EML6: variants seen among roughly 807,000 people sequenced by gnomAD.
The protein encoded by EML6 is echinoderm microtubule-associated protein-like 6.
EML6 carries 154 observed loss-of-function variants against 240.1 expected under a neutral mutation model. That is an observed-to-expected ratio of 0.64 (90% CI 0.56 to 0.73). The LOEUF (loss-of-function observed/expected upper bound fraction) is 0.73. Ranked by LOEUF, EML6 falls within the 30% of genes least tolerant of loss-of-function variation. The pLI is 0.00. For missense variants in EML6, 2,964 were observed against 2,474.6 expected (o/e 1.20, Z -4.20); for synonymous variants, 1,148 against 899.0 (o/e 1.28, Z -4.95).
chr2:54,759,835 A>G (rs920110852), intron 2 of EML6, among the ~76,000 whole-genome samples: 1 of 151,546 alleles, frequency 6.6e-6, no homozygotes, highest in African/African-American at 2.4e-5. Flanking sequence ...ACAAAATTAG[A>G]TGTAATTAAT....
At chr2:54,751,544 AG>A (rs1684164626) in intron 2 of EML6, among the ~76,000 whole-genome samples, 2 of 152,214 alleles carry the variant, frequency 1.3e-5, no homozygotes, top group Admixed American at 6.5e-5. Context: ...AGCTTACAAA[AG>A]GAAGGACAAA....
intron 32 of EML6, among the ~76,000 whole-genome samples, chr2:54,954,464 C>T (rs959408640): frequency 6.6e-6 from 1 of 152,206 alleles, no homozygotes; most frequent in African/African-American, 2.4e-5. Flanking sequence ...CGACATCTGT[C>T]TTAGCCACCT....
chr2:54,960,142 A>C, intron 34 of EML6, 78 bp from the exon 35 acceptor site: 1 of 1,056,176 alleles, frequency 9.5e-7, no homozygotes, highest in Non-Finnish European at 1.4e-6. Context: ...ATGACTGGGA[A>C]AGAGGGGAGA....
intron 2 of EML6, among the ~76,000 whole-genome samples, chr2:54,787,735 T>C (rs1422178376): frequency 6.6e-6 from 1 of 152,210 alleles, no homozygotes; most frequent in Non-Finnish European, 1.5e-5. Flanking sequence ...TTCCTTAAGA[T>C]CTCAAATCAG....
At chr2:54,745,743 C>A (rs1376921240) in intron 2 of EML6, among the ~76,000 whole-genome samples, 6 of 152,066 alleles carry the variant, frequency 3.9e-5, no homozygotes, top group Admixed American at 6.6e-5. Context: ...TTCACTCCAC[C>A]ACACTCCAGC....
At chr2:54,967,551 T>C (rs953621533) in intron 39 of EML6, among the ~76,000 whole-genome samples, 2 of 152,106 alleles carry the variant, frequency 1.3e-5, no homozygotes, top group Non-Finnish European at 2.9e-5. Flanking sequence ...AACACACACA[T>C]ATTCAAGAGG....
chr2:54,867,873 C>T (rs1327155607), intron 14 of EML6: 1 of 152,140 alleles, frequency 6.6e-6, no homozygotes, highest in Admixed American at 6.6e-5. Flanking sequence ...CTAACATAAT[C>T]TTTTTATGCT....
At position 54,892,435 on chromosome 2, in the gene EML6, T is replaced by C; in HGVS notation, c.2540-19T>C. The C allele has an allele frequency of 6.5e-7, 1 of 1,530,756 alleles. No individual in the cohort carries two copies. Among genetic ancestry groups the C allele is most frequent in the Non-Finnish European group, 8.9e-7 (1 of 1,128,642 alleles). 94.8% of individuals were successfully genotyped at this position (1,530,756 alleles called of 1,614,324 possible). A position where few individuals can be genotyped will look rare whatever the true frequency, so the allele number is the denominator to read the frequency against. On this transcript the variant is annotated intron_variant, in intron 18 of 41. Coordinates refer to ENST00000356458, the MANE Select transcript of EML6 (RefSeq NM_001039753.4). ...GTGCCAGATTTTATAAAGTAATAAC[T>C]GTTCTTGGTCCACTCTAGGTGGGGG...
At chr2:54,896,569 G>C (rs983812122) in intron 21 of EML6, among the ~76,000 whole-genome samples, 2 of 152,174 alleles carry the variant, frequency 1.3e-5, no homozygotes, top group African/African-American at 4.8e-5. Context: ...TTAGGTGGAA[G>C]AGGCATGGTG....
intron 24 of EML6, among the ~76,000 whole-genome samples, chr2:54,906,401 G>A (rs1002539261): frequency 6.6e-6 from 1 of 152,144 alleles, no homozygotes; most frequent in Admixed American, 6.5e-5. Flanking sequence ...GGAGGGGCCT[G>A]GGGGAAGGTC....
intron 9 of EML6, 135 bp downstream of exon 9, chr2:54,847,758 A>AAGTAT: frequency 2.6e-6 from 2 of 782,356 alleles, no homozygotes; most frequent in Non-Finnish European, 3.5e-6. Context: ...TAGATCTACG[A>AAGTAT]TCCCCTATCT....
intron 2 of EML6, among the ~76,000 whole-genome samples, chr2:54,797,286 A>G (rs1050586699): frequency 6.6e-6 from 1 of 151,948 alleles, no homozygotes; most frequent in Non-Finnish European, 1.5e-5. Flanking sequence ...TGAAGACCAT[A>G]CTTTGAGTAG....
intron 2 of EML6, among the ~76,000 whole-genome samples, chr2:54,804,609 C>G (rs1376958688): frequency 6.6e-6 from 1 of 152,182 alleles, no homozygotes; most frequent in African/African-American, 2.4e-5. Context: ...CTTCTTGTGT[C>G]AGTTAATCAA....
intron 22 of EML6, among the ~76,000 whole-genome samples, chr2:54,900,601 G>A (rs1048605672): frequency 6.6e-6 from 1 of 152,212 alleles, no homozygotes; most frequent in Non-Finnish European, 1.5e-5. Context: ...GATAGCAGGG[G>A]ACTCTGCCAG....
At chr2:54,879,446 T>G (rs1671701918) in intron 16 of EML6, 101 bp from the exon 17 acceptor site, 3 of 748,136 alleles carry the variant, frequency 4.0e-6, no homozygotes, top group Non-Finnish European at 6.8e-6. Context: ...CCTCAAATAT[T>G]TATCAGTTCT....
intron 6 of EML6, among the ~76,000 whole-genome samples, chr2:54,828,486 G>T (rs1037212647): frequency 6.6e-6 from 1 of 152,190 alleles, no homozygotes; most frequent in Non-Finnish European, 1.5e-5. Flanking sequence ...TATTGGAAAT[G>T]GTAAGCCTTT....
intron 19 of EML6, among the ~76,000 whole-genome samples, chr2:54,893,406 G>A (rs563711828): frequency 6.6e-6 from 1 of 152,236 alleles, no homozygotes; most frequent in African/African-American, 2.4e-5. Flanking sequence ...CAATAAGAGT[G>A]GGAGGGTCCG....
intron 28 of EML6, among the ~76,000 whole-genome samples, chr2:54,942,700 T>C (rs1675490399): frequency 6.6e-6 from 1 of 152,172 alleles, no homozygotes; most frequent in Non-Finnish European, 1.5e-5. Flanking sequence ...GCAATTCAGC[T>C]CATGGTCAAC....
chr2:54,809,547 A>G (rs1667718811), intron 2 of EML6, among the ~76,000 whole-genome samples: 1 of 152,172 alleles, frequency 6.6e-6, no homozygotes, highest in African/African-American at 2.4e-5. Context: ...TGAGGCTCAG[A>G]GCACTCAGAA....
Sources: allele counts gnomAD v4.1 joint callset (sites outside exome capture counted in the v4.1 genomes callset), GRCh38; gene constraint gnomAD v4.1.1; transcripts MANE v1.5; gene names NCBI Gene and HGNC (gene_info 2026-07-23, HGNC 2026-07-21).